The following RIPOR2 variants were observed in gnomAD, a reference collection of about 807,000 sequenced individuals.
The protein encoded by RIPOR2 is rho family-interacting cell polarization regulator 2.
In RIPOR2, 39 loss-of-function variants were observed where a neutral mutation model predicts 114.5. The ratio of observed to expected loss-of-function variants is 0.34; its 90% CI spans 0.26 to 0.44. RIPOR2 has a LOEUF of 0.44. Among genes scored for constraint, RIPOR2 ranks in the 20% least tolerant of loss-of-function variants. The probability of loss-of-function intolerance (pLI) is 1.00; values close to 1 mark genes in which losing one functional copy is unlikely to be tolerated. For missense variants in RIPOR2, 1,007 were observed against 1,255.1 expected (o/e 0.80, Z 2.99); for synonymous variants, 445 against 484.4 (o/e 0.92, Z 1.07).
intron 1 of RIPOR2, among the ~76,000 whole-genome samples, chr6:24,993,905 T>A (rs1436266519): frequency 1.3e-5 from 2 of 152,258 alleles, no homozygotes; most frequent in Non-Finnish European, 2.9e-5. Flanking sequence ...AATGCTTGCT[T>A]TAAATTTTGA....
intron 20 of RIPOR2, among the ~76,000 whole-genome samples, chr6:24,818,244 T>C (rs938404328): frequency 3.9e-5 from 6 of 152,160 alleles, no homozygotes; most frequent in Non-Finnish European, 7.4e-5. Flanking sequence ...ATTACAGGCA[T>C]GAGCCACTGT....
At chr6:24,881,192 C>T (rs370882164) in intron 1 of RIPOR2, among the ~76,000 whole-genome samples, 2 of 152,126 alleles carry the variant, frequency 1.3e-5, no homozygotes, top group African/African-American at 2.4e-5. Context: ...TGCAGTGAGC[C>T]GAGATCACGC....
chr6:24,972,927 C>T (rs908722232), intron 1 of RIPOR2, among the ~76,000 whole-genome samples: 6 of 152,054 alleles, frequency 3.9e-5, no homozygotes, highest in South Asian at 2.1e-4. Flanking sequence ...TTATAGAAAA[C>T]GTCTGTTAAT....
chr6:25,019,907 G>A (rs908813469), intron 1 of RIPOR2, among the ~76,000 whole-genome samples: 2 of 151,420 alleles, frequency 1.3e-5, no homozygotes, highest in African/African-American at 4.9e-5. Flanking sequence ...TGTTATCATG[G>A]GGATTTTTTA....
At chr6:24,901,924 T>C (rs1218372316) in intron 1 of RIPOR2, among the ~76,000 whole-genome samples, 2 of 152,212 alleles carry the variant, frequency 1.3e-5, no homozygotes, top group East Asian at 3.8e-4. Context: ...AATGAGACCA[T>C]GGTTGTAAAA....
chr6:24,979,420 A>C (rs921237741), intron 1 of RIPOR2, among the ~76,000 whole-genome samples: 1 of 151,820 alleles, frequency 6.6e-6, no homozygotes, highest in Admixed American at 6.6e-5. Flanking sequence ...CCCAGTCCAC[A>C]TCAGAAATGT....
chr6:24,912,708 C>T (rs976020536), intron 1 of RIPOR2, among the ~76,000 whole-genome samples: 6 of 152,076 alleles, frequency 3.9e-5, no homozygotes, highest in African/African-American at 9.7e-5. Flanking sequence ...TCTCATAGGA[C>T]GAATCTGGAG....
chr6:24,840,269 A>G, intron 13 of RIPOR2: 5 of 1,031,396 alleles, frequency 4.8e-6, no homozygotes, highest in Non-Finnish European at 5.8e-6. Context: ...TCCTCTGAGG[A>G]CTGAGGAAAG....
intron 1 of RIPOR2, among the ~76,000 whole-genome samples, chr6:24,973,249 A>G (rs1773872421): frequency 6.6e-6 from 1 of 152,208 alleles, no homozygotes; most frequent in African/African-American, 2.4e-5. Flanking sequence ...AAGATTCTCA[A>G]AGAATGTAGA....
At chr6:24,827,685 A>G (rs1196040829) in intron 18 of RIPOR2, among the ~76,000 whole-genome samples, 1 of 152,186 alleles carries the variant, frequency 6.6e-6, no homozygotes, top group South Asian at 2.1e-4. Flanking sequence ...TACCCTGGAC[A>G]TGGAGCCCTG....
intron 1 of RIPOR2, among the ~76,000 whole-genome samples, chr6:24,953,142 T>C (rs1347431922): frequency 1.3e-5 from 2 of 152,162 alleles, no homozygotes; most frequent in African/African-American, 2.4e-5. Context: ...AAGACCAGCC[T>C]GACCAACATG....
chr6:24,871,920 C>T (rs1222733118), intron 4 of RIPOR2, among the ~76,000 whole-genome samples: 5 of 152,202 alleles, frequency 3.3e-5, no homozygotes, highest in African/African-American at 1.2e-4. Context: ...CACATAGATG[C>T]AGGCAATTTA....
At chr6:24,871,293 C>T (rs944742081) in intron 4 of RIPOR2, among the ~76,000 whole-genome samples, 5 of 152,142 alleles carry the variant, frequency 3.3e-5, no homozygotes, top group African/African-American at 9.7e-5. Flanking sequence ...ATAGCAGTGG[C>T]ATATGTGTTA....
chr6:24,808,646 T>C (rs1265632310), intron 21 of RIPOR2, among the ~76,000 whole-genome samples: 3 of 152,290 alleles, frequency 2.0e-5, no homozygotes, highest in East Asian at 1.9e-4. Flanking sequence ...GGTAGCTTTT[T>C]TCTAAGCTGC....
chr6:24,963,758 G>GTA (rs1773405731), intron 1 of RIPOR2, among the ~76,000 whole-genome samples: 1 of 151,956 alleles, frequency 6.6e-6, no homozygotes, highest in African/African-American at 2.4e-5. Context: ...GTGTGTGTGT[G>GTA]TGTATTTGTC....
At chr6:24,973,100 T>C (rs1003179137) in intron 1 of RIPOR2, among the ~76,000 whole-genome samples, 1 of 152,182 alleles carries the variant, frequency 6.6e-6, no homozygotes, top group African/African-American at 2.4e-5. Context: ...AAGCATCTAT[T>C]AACATATATT....
chr6:24,849,990 G>A (rs1430843402), intron 10 of RIPOR2, 40 bp from the exon 11 acceptor site: 2 of 1,565,004 alleles, frequency 1.3e-6, no homozygotes, highest in Non-Finnish European at 1.7e-6. Context: ...TTACATCACA[G>A]CAGAGGAGAA....
At chr6:24,992,456 G>A (rs946879360) in intron 1 of RIPOR2, among the ~76,000 whole-genome samples, 1 of 151,986 alleles carries the variant, frequency 6.6e-6, no homozygotes, top group Admixed American at 6.6e-5. Context: ...AATCGGAAAG[G>A]CAATCCAAGT....
At chr6:24,949,755 G>A (rs1321260784) in intron 1 of RIPOR2, among the ~76,000 whole-genome samples, 44 of 152,358 alleles carry the variant, frequency 2.9e-4, no homozygotes, top group Non-Finnish European at 4.4e-5. Flanking sequence ...GAGATCTGAA[G>A]CTGGTTAGCA....
Sources: allele counts gnomAD v4.1 joint callset (sites outside exome capture counted in the v4.1 genomes callset), GRCh38; gene constraint gnomAD v4.1.1; transcripts MANE v1.5; gene names NCBI Gene and HGNC (gene_info 2026-07-23, HGNC 2026-07-21).